Variants in EIF3H observed in about 807,000 individuals in gnomAD.
EIF3H encodes the protein eukaryotic translation initiation factor 3 subunit H, also known as eIF-3-gamma.
Under a neutral mutation model 44.2 loss-of-function variants are expected in EIF3H, and 26 were observed. That is an observed-to-expected ratio of 0.59 (90% confidence interval 0.43 to 0.82). The LOEUF (loss-of-function observed/expected upper bound fraction) is 0.82, where lower values mean the gene tolerates loss of function less well. EIF3H is among the 40% of genes least tolerant of loss of function. The pLI is 0.00. For synonymous variants in EIF3H, 166 were observed against 151.9 expected, an observed-to-expected ratio of 1.09 and a Z score of -0.68; for missense variants, 359 against 432.8, an observed-to-expected ratio of 0.83 and a Z score of 1.51.
intron 6 of EIF3H, among the ~76,000 whole-genome samples, chr8:116,647,077 CT>C (rs1392730047): frequency 1.3e-5 from 2 of 151,984 alleles, no homozygotes; most frequent in Non-Finnish European, 2.9e-5. Context: ...ACTGTTACGG[CT>C]TTTTTTCTTT....
chr8:116,645,116 G>T lies in EIF3H; in HGVS notation c.962-13C>A. The T allele has an allele frequency of 4.4e-6, 7 of 1,593,472 alleles. No homozygotes were observed. Among genetic ancestry groups the T allele is most frequent in the Non-Finnish European group, 6.0e-6 (7 of 1,161,930 alleles). Reference sequence around the variant, plus strand: ...GTGTTTATCTGGCCTGTGCATTTGAGAAAGAGATAGAGCCATAATGTTCCA... The same window carrying T: ...GTGTTTATCTGGCCTGTGCATTTGATAAAGAGATAGAGCCATAATGTTCCA... On this transcript the variant is annotated splice_polypyrimidine_tract_variant and intron_variant, in intron 7 of 7. Coordinates refer to ENST00000521861, the MANE Select transcript of EIF3H (RefSeq NM_003756.3).
Position 116,753,751 on chromosome 8 carries a change from C to T in EIF3H, c.132+1915G>A, listed in dbSNP as rs565979884. On this transcript the variant is annotated intron_variant, in intron 1 of 7. Coordinates refer to ENST00000521861, the MANE Select transcript of EIF3H (RefSeq NM_003756.3). ...CTGCCAGGACATTGTTACTGAAGTGCTTTTACCACTGCCCTGTGTTAGATA... is the reference window on the plus strand; with the variant it reads ...CTGCCAGGACATTGTTACTGAAGTGTTTTTACCACTGCCCTGTGTTAGATA... Among the ~76,000 whole-genome samples the T allele has an allele frequency of 2.5e-4, 38 of 152,286 alleles. No homozygotes were observed. The South Asian group carries it at 3.9e-3, about 16-fold the overall frequency.
intron 2 of EIF3H, among the ~76,000 whole-genome samples, chr8:116,678,133 G>C (rs1813881625): frequency 2.7e-5 from 4 of 150,270 alleles, no homozygotes; most frequent in African/African-American, 9.7e-5. Context: ...GCGATTGCAG[G>C]CGCGCGCCGC....
At chr8:116,687,021 G>A (rs1053115647) in intron 2 of EIF3H, among the ~76,000 whole-genome samples, 1 of 152,124 alleles carries the variant, frequency 6.6e-6, no homozygotes, top group Non-Finnish European at 1.5e-5. Context: ...GTCAGACAAG[G>A]GTTTAGTTGA....
chr8:116,721,923 A>G (rs1210158184), intron 2 of EIF3H, among the ~76,000 whole-genome samples: 2 of 152,226 alleles, frequency 1.3e-5, no homozygotes, highest in African/African-American at 4.8e-5. Flanking sequence ...CTTGTTTCAG[A>G]TGAGACTTTT....
chr8:116,676,198 T>C (rs1011020290), intron 2 of EIF3H, among the ~76,000 whole-genome samples: 2 of 152,230 alleles, frequency 1.3e-5, no homozygotes, highest in African/African-American at 4.8e-5. Flanking sequence ...CTCATAAAAC[T>C]TGTCTCTTGT....
Position 116,726,047 on chromosome 8 carries a change from C to T in EIF3H, c.258G>A (p.Gln86=). The change falls in exon 2 of 8, where the codon CAG becomes CAA. Residue 86 remains glutamine, a synonymous_variant. Transcript: ENST00000521861. ...CAAAGTCAGCATCATCCTCTGTGTGCTGAGGGAAAGGAAAGCAGTTGGTAA... is the reference window on the plus strand; with the variant it reads ...CAAAGTCAGCATCATCCTCTGTGTGTTGAGGGAAAGGAAAGCAGTTGGTAA... The part of the protein sequence containing the change: ...LEITNCFPFP[Q]HTEDDADFDE... The T allele has an allele frequency of 6.2e-7, 1 of 1,614,008 alleles. No individual in the cohort carries two copies. Among genetic ancestry groups the T allele is most frequent in the East Asian group, 2.2e-5 (1 of 44,852 alleles).
intron 1 of EIF3H, among the ~76,000 whole-genome samples, chr8:116,764,652 T>C (rs1400836938): frequency 1.3e-5 from 2 of 152,208 alleles, no homozygotes; most frequent in African/African-American, 4.8e-5. Context: ...GAAACACTGC[T>C]GTAATAGAAA....
chr8:116,683,479 C>G (rs961126300), intron 2 of EIF3H, among the ~76,000 whole-genome samples: 1 of 152,116 alleles, frequency 6.6e-6, no homozygotes, highest in Non-Finnish European at 1.5e-5. Flanking sequence ...TCATCTAACC[C>G]TAAGTACCTC....
intron 2 of EIF3H, among the ~76,000 whole-genome samples, chr8:116,724,747 A>C (rs957130232): frequency 6.6e-6 from 1 of 152,208 alleles, no homozygotes; most frequent in East Asian, 1.9e-4. Flanking sequence ...TGATCACCTC[A>C]CATCTGTTAA....
chr8:116,732,919 T>C (rs1354071092), intron 1 of EIF3H, among the ~76,000 whole-genome samples: 1 of 152,194 alleles, frequency 6.6e-6, no homozygotes, highest in Non-Finnish European at 1.5e-5. Flanking sequence ...TCTTACAATT[T>C]AATTCAATTT....
chr8:116,741,055 T>C (rs1815124043), intron 1 of EIF3H, among the ~76,000 whole-genome samples: 1 of 152,214 alleles, frequency 6.6e-6, no homozygotes, highest in Non-Finnish European at 1.5e-5. Context: ...TCTTTTTTCC[T>C]TTTTATGTTT....
chr8:116,741,299 A>G (rs1277426196), intron 1 of EIF3H, among the ~76,000 whole-genome samples: 1 of 152,162 alleles, frequency 6.6e-6, no homozygotes, highest in Non-Finnish European at 1.5e-5. Context: ...ATAACTTATT[A>G]ACCCAACTGA....
chr8:116,732,708 A>T (rs1377240140), intron 1 of EIF3H, among the ~76,000 whole-genome samples: 1 of 152,128 alleles, frequency 6.6e-6, no homozygotes, highest in Admixed American at 6.5e-5. Flanking sequence ...GTGACTTTTC[A>T]GATCAGTCAC....
upstream of EIF3H, among the ~76,000 whole-genome samples, chr8:116,760,589 T>C (rs889395154): frequency 4.6e-5 from 7 of 152,238 alleles, no homozygotes; most frequent in Non-Finnish European, 1.0e-4. Context: ...CCAACTAATA[T>C]TTAAACAAAG....
chr8:116,697,376 T>C (rs974801106), intron 2 of EIF3H: 2 of 365,676 alleles, frequency 5.5e-6, no homozygotes, highest in African/African-American at 4.3e-5. Flanking sequence ...ACCCAATTGC[T>C]GGTCAGTGTC....
chr8:116,760,351 CAAATGT>C (rs1363451481), upstream of EIF3H, among the ~76,000 whole-genome samples: 1 of 152,114 alleles, frequency 6.6e-6, no homozygotes. Flanking sequence ...CTTTTGTCTA[CAAATGT>C]GAAATAAGAC....
At chr8:116,719,520 G>C (rs1020194223) in intron 2 of EIF3H, among the ~76,000 whole-genome samples, 1 of 152,104 alleles carries the variant, frequency 6.6e-6, no homozygotes, top group African/African-American at 2.4e-5. Flanking sequence ...CAGGAAAAAG[G>C]CCAGATAGAG....
chr8:116,693,686 T>G lies in EIF3H; in HGVS notation c.289+32330A>C, dbSNP rs1416524613. ...CCACTCTTTCCAGTTTATGTACATT[T>G]CTTTTTTTTTTTAAGAGACAGGGTC... On this transcript the variant is annotated intron_variant, in intron 2 of 7. Transcript: ENST00000521861. Among the ~76,000 whole-genome samples the G allele has an allele frequency of 1.3e-4, 19 of 151,858 alleles. 1 individual carries two copies. Among genetic ancestry groups the G allele is most frequent in the Admixed American group, 1.2e-3 (19 of 15,260 alleles).
Sources: allele counts gnomAD v4.1 joint callset (sites outside exome capture counted in the v4.1 genomes callset), GRCh38; gene constraint gnomAD v4.1.1; transcripts MANE v1.5; gene names NCBI Gene and HGNC (gene_info 2026-07-23, HGNC 2026-07-21).